CLCN2: variants seen among roughly 807,000 people sequenced by gnomAD.
The protein encoded by CLCN2 is chloride voltage-gated channel 2, also known as chloride channel protein 2.
Under a neutral mutation model 108.3 loss-of-function variants are expected in CLCN2, and 72 were observed. That is an observed-to-expected ratio of 0.66 (90% CI 0.55 to 0.81). The LOEUF (loss-of-function observed/expected upper bound fraction) is 0.81. Ranked by LOEUF, CLCN2 falls within the 30% of genes least tolerant of loss-of-function variation. The pLI, the probability that CLCN2 is intolerant of heterozygous loss-of-function variation, is 0.00. For synonymous variants in CLCN2, 471 were observed against 467.1 expected (o/e 1.01, Z -0.11); for missense variants, 1,048 against 1,205.2 (o/e 0.87, Z 1.93).
At position 184,359,100 on chromosome 3, in the gene CLCN2, G is replaced by A; in HGVS notation, c.95C>T (p.Ala32Val). ...CCGAGCAGCTTCCTCTTTGGCAAAG[G>A]CCCCAAGGTCCTGAGTGTACCGGCC... ...MYGRYTQDLG[A>V]FAKEEAARIR... The change falls in exon 2 of 24, where the codon GCC (alanine) becomes GTC (valine). Residue 32 changes from alanine (A) to valine (V), a missense_variant. Coordinates refer to ENST00000265593, the MANE Select transcript of CLCN2 (RefSeq NM_004366.6). 1 of 1,613,736 alleles carries A rather than the reference G, an allele frequency of 6.2e-7. No individual in the cohort carries two copies. Among genetic ancestry groups the A allele is most frequent in the Non-Finnish European group, 8.5e-7 (1 of 1,180,044 alleles).
At chr3:184,353,639 C>G in intron 16 of CLCN2, 23 bp downstream of exon 16, 1 of 1,611,438 alleles carries the variant, frequency 6.2e-7, no homozygotes, top group Non-Finnish European at 8.5e-7. Flanking sequence ...GCCCCTAGCA[C>G]CTGGGACCCC....
intron 10 of CLCN2, chr3:184,356,779 G>A (rs1020836249): frequency 1.7e-4 from 96 of 575,138 alleles, no homozygotes; most frequent in Non-Finnish European, 6.6e-5. Context: ...ATTCCCAAAT[G>A]TCCTCTACCG....
chr3:184,358,222 G>A lies in CLCN2; in HGVS notation c.441C>T (p.Phe147=). Residue 147 remains phenylalanine (F), a synonymous_variant, in exon 4 of 24, where the codon TTC becomes TTT. Coordinates refer to ENST00000265593, the MANE Select transcript of CLCN2 (RefSeq NM_004366.6). ...WVTYPVVLIT[F]SAGFTQILAP... is the part of the protein sequence containing the mutation. ...CCAGGATCTGTGTGAATCCGGCTGAGAAAGTGATGAGGACAACAGGGTAGG... is the reference window on the plus strand; with the variant it reads ...CCAGGATCTGTGTGAATCCGGCTGAAAAAGTGATGAGGACAACAGGGTAGG... 1 of 1,614,186 alleles carries A rather than the reference G, an allele frequency of 6.2e-7. No individual in the cohort carries two copies. Among genetic ancestry groups the A allele is most frequent in the Non-Finnish European group, 8.5e-7 (1 of 1,180,028 alleles).
chr3:184,352,170 A>C (rs1577308655), intron 21 of CLCN2, 53 bp from the exon 22 acceptor site: 1 of 1,587,006 alleles, frequency 6.3e-7, no homozygotes, highest in Non-Finnish European at 8.6e-7. Context: ...AGCTGACCTC[A>C]CCTCCCTGAA....
At chr3:184,356,921 T>C (rs1728593718) in intron 10 of CLCN2, 72 bp downstream of exon 10, 2 of 1,075,340 alleles carry the variant, frequency 1.9e-6, no homozygotes, top group Non-Finnish European at 1.4e-6. Context: ...TCTCTCCCCA[T>C]CACTGTCCCC....
intron 19 of CLCN2, 48 bp downstream of exon 19, chr3:184,352,689 G>A (rs1373808076): frequency 1.3e-6 from 2 of 1,590,254 alleles, no homozygotes; most frequent in Admixed American, 1.7e-5. Context: ...GCATTGGAGA[G>A]GGAGCTGGGG....
At chr3:184,350,782 C>T (rs1290702702) in intron 22 of CLCN2, among the ~76,000 whole-genome samples, 1 of 152,330 alleles carries the variant, frequency 6.6e-6, no homozygotes, top group East Asian at 1.9e-4. Context: ...CTCAACCTCT[C>T]TGAATCTCAG....
chr3:184,349,432 A>G (rs1727935678), intron 22 of CLCN2: 1 of 152,136 alleles, frequency 6.6e-6, no homozygotes. Flanking sequence ...CTAAAAATAA[A>G]TAAATAAATA....
Position 184,355,236 on chromosome 3 carries a change from C to T in CLCN2, c.1326+138G>A. ...GGGCCAGCTACTTGTGTTTCGACTCCCCCATCTTTCAAACGGGGGTGATAA... is the reference window on the plus strand; with the variant it reads ...GGGCCAGCTACTTGTGTTTCGACTCTCCCATCTTTCAAACGGGGGTGATAA... On this transcript the variant is annotated intron_variant, in intron 12 of 23. Transcript: ENST00000265593. The surrounding 1 kb of genome is among the most constrained non-coding windows in gnomAD (Gnocchi z 6.3). 9.8e-7 allele frequency: 1 copy of T among 1,019,464 alleles called. No individual in the cohort carries two copies. The highest frequency in any genetic ancestry group is 1.5e-6 in the Non-Finnish European group (1 of 652,842). 63.2% of individuals were successfully genotyped at this position (1,019,464 alleles called of 1,614,324 possible). A position where few individuals can be genotyped will look rare whatever the true frequency, so the allele number is the denominator to read the frequency against.
chr3:184,359,114 A>G lies in CLCN2; in HGVS notation c.81T>C (p.Thr27=), dbSNP rs578106394. 2.5e-6 allele frequency: 4 copies of G among 1,613,722 alleles called. No individual in the cohort carries two copies. The African/African-American group carries it at 4.0e-5, about 16-fold the overall frequency. ...YEQTLMYGRY[T]QDLGAFAKEE... is the part of the protein sequence containing the mutation. Reference sequence around the variant, plus strand: ...CTTTGGCAAAGGCCCCAAGGTCCTGAGTGTACCGGCCATACATCTGGAGCA... The same window carrying G: ...CTTTGGCAAAGGCCCCAAGGTCCTGGGTGTACCGGCCATACATCTGGAGCA... Residue 27 remains threonine (T), a synonymous_variant, in exon 2 of 24, where the codon ACT becomes ACC. Coordinates refer to ENST00000265593, the MANE Select transcript of CLCN2 (RefSeq NM_004366.6).
chr3:184,353,442 G>A lies in CLCN2; in HGVS notation c.1856-20C>T, dbSNP rs200098497. On this transcript the variant is annotated intron_variant, in intron 16 of 23. Coordinates refer to ENST00000265593, the MANE Select transcript of CLCN2 (RefSeq NM_004366.6). Reference sequence around the variant, plus strand: ...TGGACTCTGGACAGAACAGGTGGAAGGACTCAGGAGCTGAGAGGGAGCCCT... The same window carrying A: ...TGGACTCTGGACAGAACAGGTGGAAAGACTCAGGAGCTGAGAGGGAGCCCT... 1.4e-5 allele frequency: 22 copies of A among 1,591,272 alleles called. No individual in the cohort carries two copies. The East Asian group carries it at 5.0e-4, about 36-fold the overall frequency.
rs368874568 is a variant in CLCN2 at position 184,353,325 on chromosome 3, C to T, written c.1953G>A (p.Glu651=). Residue 651 remains glutamate (E), a synonymous_variant, in exon 17 of 24, where the codon GAG becomes GAA. Transcript: ENST00000265593. ...SPARRRQHMQ[E]RRATQTSPLS... ...GTGGAGAGGTCTGGGTGGCTCTGCG[C>T]TCCTGCATGTGCTGCCGCCGGCGGG... 4.4e-5 allele frequency: 71 copies of T among 1,613,488 alleles called. No homozygotes were observed. The highest frequency in any genetic ancestry group is 8.9e-5 in the East Asian group (4 of 44,884).
chr3:184,346,972 C>T lies in CLCN2; in HGVS notation c.2465G>A (p.Ser822Asn), dbSNP rs768401089. ...LLGVDHAYVT[S>N]IGRLIGIVTL... ...AACGATTCCAATGAGTCTGCCAATA[C>T]TGGTGACATAAGCATGGTCCACTCC... is the stretch of plus-strand genomic sequence containing the variant. Residue 822 changes from serine to asparagine, a missense_variant, in exon 23 of 24, where the codon AGT becomes AAT. Ser to Asn is a conservative substitution (Grantham distance 46, BLOSUM62 1). Transcript: ENST00000265593. The surrounding 1 kb of genome is among the most constrained non-coding windows in gnomAD (Gnocchi z 6.0). The T allele has an allele frequency of 1.9e-6, 3 of 1,614,034 alleles. No homozygotes were observed. Among genetic ancestry groups the T allele is most frequent in the African/African-American group, 2.7e-5 (2 of 74,912 alleles).
At position 184,358,245 on chromosome 3, in the gene CLCN2, A is replaced by G; in HGVS notation, c.418T>C (p.Tyr140His). 1 of 1,614,166 alleles carries G rather than the reference A, an allele frequency of 6.2e-7. No homozygotes were observed. The highest frequency in any genetic ancestry group is 8.5e-7 in the Non-Finnish European group (1 of 1,180,030). The change falls in exon 4 of 24, where the codon TAC becomes CAC. Residue 140 changes from tyrosine to histidine, a missense_variant. Physicochemically the swap from Tyr to His is moderately conservative, Grantham distance 83. Coordinates refer to ENST00000265593, the MANE Select transcript of CLCN2 (RefSeq NM_004366.6). ...ILLQYLAWVT[Y>H]PVVLITFSAG... The stretch of plus-strand genomic sequence containing the variant: ...GAGAAAGTGATGAGGACAACAGGGT[A>G]GGTGACCCAGGCCAGGTACTGGAGC...
chr3:184,359,012 G>C lies in CLCN2; in HGVS notation c.183C>G (p.Leu61=). 1 of 1,613,644 alleles carries C rather than the reference G, an allele frequency of 6.2e-7. No homozygotes were observed. The highest frequency in any genetic ancestry group is 8.5e-7 in the Non-Finnish European group (1 of 1,180,038). Residue 61 remains leucine, a synonymous_variant, in exon 2 of 24, where the codon CTC becomes CTG. Transcript: ENST00000265593. ...GPPSSRAAPE[L]LEYGRSRCAR... ...CGCAACGGCTCCGTCCATATTCCAA[G>C]AGCTCTGGGGCAGCCCGAGAGGAAG...
intron 15 of CLCN2, 138 bp downstream of exon 15, chr3:184,353,963 G>T: frequency 7.4e-7 from 1 of 1,346,904 alleles, no homozygotes; most frequent in South Asian, 1.3e-5. Flanking sequence ...GCCAGCTACA[G>T]CCCCTCCAGA....
chr3:184,347,676 T>C (rs1727786590), intron 22 of CLCN2: 1 of 164,784 alleles, frequency 6.1e-6, no homozygotes, highest in Non-Finnish European at 1.3e-5. Context: ...TCCCCTGCTC[T>C]GGCATTCCAG....
At chr3:184,354,791 G>C (rs1441655057) in intron 13 of CLCN2, 113 bp downstream of exon 13, 3 of 1,374,072 alleles carry the variant, frequency 2.2e-6, no homozygotes, top group Non-Finnish European at 3.1e-6. Flanking sequence ...TGTGGGGTCA[G>C]GGTTCGGGCT....
rs1415638062 is a variant in CLCN2 at position 184,354,977 on chromosome 3, C to T, written c.1327-4G>A. ...TGGCCAGTGCAGACATCCAGAACTG[C>T]AGGCAGGGGGTGGTTCAAAGGCGAA... On this transcript the variant is annotated splice_region_variant and splice_polypyrimidine_tract_variant and intron_variant, in intron 12 of 23. Transcript: ENST00000265593. The T allele has an allele frequency of 3.1e-6, 5 of 1,613,734 alleles. No individual in the cohort carries two copies. The African/African-American group carries it at 4.0e-5, about 13-fold the overall frequency.
Sources: gnomAD v4.1 joint callset for allele counts (sites outside exome capture counted in the v4.1 genomes callset) on GRCh38, gnomAD v4.1.1 for gene constraint, Gnocchi (gnomAD v3.1) non-coding constraint, MANE v1.5 for transcripts, NCBI Gene and HGNC (gene_info 2026-07-23, HGNC 2026-07-21) for gene names.